Variants in NELL1 observed in about 807,000 individuals in gnomAD.
NELL1 encodes neural EGFL like 1.
NELL1 carries 76 observed loss-of-function variants against 107.4 expected under a neutral mutation model. The observed-to-expected ratio is 0.71, with a 90% confidence interval of 0.59 to 0.86. The LOEUF is 0.86. Ranked by LOEUF, NELL1 falls within the 40% of genes least tolerant of loss-of-function variation. The pLI, the probability that NELL1 is intolerant of heterozygous loss-of-function variation, is 0.00. For missense variants in NELL1, 1,024 were observed against 1,005.5 expected, an observed-to-expected ratio of 1.02 and a Z score of -0.25; for synonymous variants, 353 against 341.2, an observed-to-expected ratio of 1.03 and a Z score of -0.38.
chr11:21,333,985 C>A (rs1489893802), intron 14 of NELL1, among the ~76,000 whole-genome samples: 1 of 152,034 alleles, frequency 6.6e-6, no homozygotes, highest in East Asian at 1.9e-4. Flanking sequence ...TTGGAACACA[C>A]AATTACTTAA....
chr11:21,176,338 G>C (rs1026010619), intron 13 of NELL1, among the ~76,000 whole-genome samples: 4 of 151,822 alleles, frequency 2.6e-5, no homozygotes, highest in Admixed American at 1.3e-4. Flanking sequence ...CCAAGGTAGT[G>C]AGATTGTAAT....
chr11:21,084,734 A>G (rs916464404), intron 12 of NELL1, among the ~76,000 whole-genome samples: 3 of 152,196 alleles, frequency 2.0e-5, no homozygotes, highest in Admixed American at 2.0e-4. Context: ...TGATAGCGCA[A>G]CCACTGTGCG....
At chr11:21,089,745 G>A (rs199822564) in intron 12 of NELL1, among the ~76,000 whole-genome samples, 4 of 152,164 alleles carry the variant, frequency 2.6e-5, no homozygotes, top group East Asian at 1.9e-4. Context: ...ATTTTAGGAC[G>A]CAGAGGAGAC....
chr11:21,419,064 T>C (rs1208641455), intron 15 of NELL1, among the ~76,000 whole-genome samples: 1 of 152,120 alleles, frequency 6.6e-6, no homozygotes, highest in Admixed American at 6.6e-5. Flanking sequence ...TTGTTCACAT[T>C]TGCCTGTTTC....
At chr11:21,312,295 C>T (rs1043991088) in intron 14 of NELL1, among the ~76,000 whole-genome samples, 1 of 152,002 alleles carries the variant, frequency 6.6e-6, no homozygotes, top group African/African-American at 2.4e-5. Context: ...CTCTTAGCAA[C>T]TACCCGGAAG....
At chr11:21,013,616 G>T (rs1017103339) in intron 12 of NELL1, among the ~76,000 whole-genome samples, 2 of 152,192 alleles carry the variant, frequency 1.3e-5, no homozygotes, top group South Asian at 4.1e-4. Context: ...TTTTAGAACA[G>T]TTTCAGAGTC....
intron 17 of NELL1, among the ~76,000 whole-genome samples, 179 bp downstream of exon 17, chr11:21,560,561 T>G (rs1856824811): frequency 6.6e-6 from 1 of 151,992 alleles, no homozygotes; most frequent in African/African-American, 2.4e-5. Context: ...TGCTTTGAAT[T>G]GATTGTGTTC....
At chr11:20,797,346 C>G (rs900719276) in intron 3 of NELL1, among the ~76,000 whole-genome samples, 1 of 151,776 alleles carries the variant, frequency 6.6e-6, no homozygotes, top group African/African-American at 2.4e-5. Flanking sequence ...GGGTAGATCA[C>G]GAAGTCAGGA....
chr11:21,323,804 C>T (rs1297153066), intron 14 of NELL1, among the ~76,000 whole-genome samples: 1 of 152,018 alleles, frequency 6.6e-6, no homozygotes, highest in Non-Finnish European at 1.5e-5. Context: ...ATACAGGTTC[C>T]ACTGAAGATA....
chr11:21,273,776 C>T lies in NELL1; in HGVS notation c.1549+44322C>T, dbSNP rs537957208. Among the ~76,000 whole-genome samples the T allele has an allele frequency of 5.3e-5, 8 of 152,224 alleles. No homozygotes were observed. In the South Asian group the frequency reaches 1.7e-3, roughly 32 times the overall value. ...CATTCTTAAAGAAAAGAATTTTCAACCCAGAATTTCATATCCAGCCAAACT... is the reference window on the plus strand; with the variant it reads ...CATTCTTAAAGAAAAGAATTTTCAATCCAGAATTTCATATCCAGCCAAACT... On this transcript the variant is annotated intron_variant, in intron 14 of 19. Transcript: ENST00000357134.
intron 12 of NELL1, among the ~76,000 whole-genome samples, chr11:21,093,464 C>T (rs1339319663): frequency 6.6e-6 from 1 of 152,204 alleles, no homozygotes; most frequent in Non-Finnish European, 1.5e-5. Context: ...CTGAACCATA[C>T]ACTGCCAGGT....
At chr11:21,346,023 GTGT>G (rs1850676718) in intron 14 of NELL1, among the ~76,000 whole-genome samples, 1 of 152,160 alleles carries the variant, frequency 6.6e-6, no homozygotes, top group Non-Finnish European at 1.5e-5. Flanking sequence ...TTAGTAAAAT[GTGT>G]TTCTCTGAGA....
At chr11:21,516,950 A>G (rs9704598) in intron 15 of NELL1, among the ~76,000 whole-genome samples, 20,443 of 151,414 alleles carry the variant, frequency 0.14, 1,488 homozygotes, top group Admixed American at 0.2. Context: ...CCACCACACC[A>G]GGCTAATTTT....
chr11:20,869,673 T>G (rs951799461), intron 4 of NELL1, among the ~76,000 whole-genome samples: 10 of 152,210 alleles, frequency 6.6e-5, no homozygotes, highest in African/African-American at 2.4e-4. Flanking sequence ...TGGTTTCTGC[T>G]TTTCAGTTGC....
intron 16 of NELL1, among the ~76,000 whole-genome samples, chr11:21,554,949 C>A (rs1051534363): frequency 1.9e-4 from 29 of 151,892 alleles, no homozygotes; most frequent in Non-Finnish European, 3.8e-4. Flanking sequence ...GTTAAGCTTT[C>A]AATTGGTATG....
chr11:21,501,559 G>A (rs1855142898), intron 15 of NELL1, among the ~76,000 whole-genome samples: 1 of 152,148 alleles, frequency 6.6e-6, no homozygotes, highest in African/African-American at 2.4e-5. Flanking sequence ...CATCAACAAT[G>A]AACTGGACAA....
chr11:21,561,413 C>T (rs978788549), intron 17 of NELL1, among the ~76,000 whole-genome samples: 2 of 152,086 alleles, frequency 1.3e-5, no homozygotes, highest in African/African-American at 4.8e-5. Context: ...TTCCCACACT[C>T]CAATCTAGGT....
At chr11:20,896,420 G>A (rs915709732) in intron 5 of NELL1, among the ~76,000 whole-genome samples, 1 of 152,144 alleles carries the variant, frequency 6.6e-6, no homozygotes, top group Non-Finnish European at 1.5e-5. Context: ...TTGCAATTGA[G>A]AATTGTGCTG....
intron 2 of NELL1, among the ~76,000 whole-genome samples, chr11:20,702,952 A>G (rs181166679): frequency 6.6e-6 from 1 of 152,288 alleles, no homozygotes; most frequent in East Asian, 1.9e-4. Flanking sequence ...TTCATCAGGC[A>G]TAGTGGTCTA....
Sources: gnomAD v4.1 joint callset for allele counts (sites outside exome capture counted in the v4.1 genomes callset) on GRCh38, gnomAD v4.1.1 for gene constraint, MANE v1.5 for transcripts, NCBI Gene and HGNC (gene_info 2026-07-23, HGNC 2026-07-21) for gene names.